SLC30A6: variants seen among roughly 807,000 people sequenced by gnomAD.
The protein encoded by SLC30A6 is zinc transporter 6.
A neutral mutation model predicts 63.0 loss-of-function variants in SLC30A6; 55 were observed. The observed-to-expected ratio is 0.87, with a 90% confidence interval of 0.70 to 1.09. The LOEUF is 1.09. Ranked by LOEUF, SLC30A6 falls within the 50% of genes least tolerant of loss-of-function variation. The probability of loss-of-function intolerance (pLI) is 0.00; values close to 1 mark genes in which losing one functional copy is unlikely to be tolerated. For synonymous variants in SLC30A6, 224 were observed against 186.1 expected, an observed-to-expected ratio of 1.20 and a Z score of -1.66; for missense variants, 587 against 549.2, an observed-to-expected ratio of 1.07 and a Z score of -0.69.
At chr2:32,189,624 T>G (rs1355760780) in intron 5 of SLC30A6, among the ~76,000 whole-genome samples, 2 of 86,016 alleles carry the variant, frequency 2.3e-5, no homozygotes, top group Non-Finnish European at 4.8e-5. Context: ...TTTTTTTTTT[T>G]TTGAGGCAGA....
chr2:32,195,943 A>G (rs1683750463), intron 8 of SLC30A6, among the ~76,000 whole-genome samples: 2 of 152,102 alleles, frequency 1.3e-5, no homozygotes, highest in South Asian at 4.1e-4. Context: ...CCAGCTACTC[A>G]GGAGGCTGAG....
At chr2:32,188,842 T>C (rs1399566836) in intron 5 of SLC30A6, among the ~76,000 whole-genome samples, 1 of 152,192 alleles carries the variant, frequency 6.6e-6, no homozygotes, top group Admixed American at 6.6e-5. Context: ...TCCCTTCGTG[T>C]CCATTCAGAC....
chr2:32,189,855 A>T (rs1170437878), intron 5 of SLC30A6, among the ~76,000 whole-genome samples: 2 of 150,572 alleles, frequency 1.3e-5, no homozygotes, highest in Non-Finnish European at 3.0e-5. Context: ...ATCCTCCCAC[A>T]CCCCGAGTAG....
intron 5 of SLC30A6, 28 bp downstream of exon 5, chr2:32,184,366 T>C (rs1365725316): frequency 7.4e-7 from 1 of 1,354,900 alleles, no homozygotes; most frequent in Non-Finnish European, 1.0e-6. Context: ...TATTTTCTGC[T>C]AACTTATGAC....
At chr2:32,202,970 G>T (rs753611381) in intron 10 of SLC30A6, 5 of 1,141,638 alleles carry the variant, frequency 4.4e-6, no homozygotes, top group Non-Finnish European at 6.7e-6. Flanking sequence ...GGTCTGAAGG[G>T]ACGGCTATTA....
In SLC30A6 at chr2:32,220,764, T is replaced by G. The variant is rs1686097482; in HGVS notation, c.*51T>G. 6.7e-7 allele frequency: 1 copy of G among 1,502,444 alleles called. No individual in the cohort carries two copies. Among genetic ancestry groups the G allele is most frequent in the Non-Finnish European group, 9.0e-7 (1 of 1,109,908 alleles). 93.1% of individuals were successfully genotyped at this position (1,502,444 alleles called of 1,614,324 possible). On this transcript the variant is annotated 3_prime_UTR_variant, in exon 14 of 14. Coordinates refer to ENST00000282587, the MANE Select transcript of SLC30A6 (RefSeq NM_017964.5). Reference sequence around the variant, plus strand: ...AATATTGACTCCTTGGCTTCCAATTTATTTAGTAATCCAACTTTGCATTGA... The same window carrying G: ...AATATTGACTCCTTGGCTTCCAATTGATTTAGTAATCCAACTTTGCATTGA...
At chr2:32,209,353 A>T in intron 12 of SLC30A6, 140 bp from the exon 13 acceptor site, 1 of 609,804 alleles carries the variant, frequency 1.6e-6, no homozygotes, top group Non-Finnish European at 2.8e-6. Context: ...GAGTGGTCTG[A>T]GACTTCTCTT....
chr2:32,190,372 T>A (rs1054074968), intron 5 of SLC30A6, among the ~76,000 whole-genome samples: 1 of 150,584 alleles, frequency 6.6e-6, no homozygotes, highest in East Asian at 2.0e-4. Context: ...GGCAGGAGAA[T>A]CACTTGAGCC....
rs1350449717 is a variant in SLC30A6, at chr2:32,221,155, G to A, written c.*442G>A. On this transcript the variant is annotated 3_prime_UTR_variant, in exon 14 of 14. Coordinates refer to ENST00000282587, the MANE Select transcript of SLC30A6 (RefSeq NM_017964.5). ...GCTGTACTTTATTAAGGCTTCCTTA[G>A]TTTTTGTTTTGTTTTGTTTTTTGAG... 4.9e-6 allele frequency: 1 copy of A among 205,664 alleles called. No individual in the cohort carries two copies. The highest frequency in any genetic ancestry group is 1.5e-4 in the East Asian group (1 of 6,678). 12.7% of individuals were successfully genotyped at this position (205,664 alleles called of 1,614,324 possible). A position where few individuals can be genotyped will look rare whatever the true frequency, so the allele number is the denominator to read the frequency against.
chr2:32,204,678 A>G lies in SLC30A6; in HGVS notation c.754A>G (p.Lys252Glu), dbSNP rs1684589130. The change falls in exon 11 of 14, where the codon AAA (lysine) becomes GAA (glutamate). Residue 252 changes from lysine (K) to glutamate (E), a missense_variant. By Grantham distance (56) the Lys-to-Glu change is moderately conservative. Transcript: ENST00000282587. ...TMYPMSVYSGKVLLQTTPPHV... is the reference protein window; with the variant it reads ...TMYPMSVYSGEVLLQTTPPHV... ...GTATCCCATGAGTGTGTACAGTGGG[A>G]AAGTCTTACTCCAGGTAAGGTGCTT... 3 of 1,606,234 alleles carry G rather than the reference A, an allele frequency of 1.9e-6. No individual in the cohort carries two copies. Among genetic ancestry groups the G allele is most frequent in the Non-Finnish European group, 2.6e-6 (3 of 1,174,808 alleles).
In SLC30A6 at chr2:32,220,957, T is replaced by G. The variant is rs893606795; in HGVS notation, c.*244T>G. ...GAAAATGTGTTTCTTTAAATTTGGA[T>G]TTTGGTATCTTTGGTTTTGTAGTTG... On this transcript the variant is annotated 3_prime_UTR_variant, in exon 14 of 14. Transcript: ENST00000282587. 7.1e-6 allele frequency: 3 copies of G among 424,328 alleles called. No homozygotes were observed. The highest frequency in any genetic ancestry group is 6.0e-5 in the African/African-American group (3 of 50,262). 26.3% of individuals were successfully genotyped at this position (424,328 alleles called of 1,614,324 possible).
At chr2:32,218,195 A>G (rs1685869139) in intron 13 of SLC30A6, among the ~76,000 whole-genome samples, 2 of 152,114 alleles carry the variant, frequency 1.3e-5, no homozygotes, top group South Asian at 4.1e-4. Context: ...CTGAGGCAGG[A>G]GGATCGCTTG....
chr2:32,202,173 A>G (rs1684347368), intron 10 of SLC30A6: 1 of 771,840 alleles, frequency 1.3e-6, no homozygotes, highest in Non-Finnish European at 2.1e-6. Flanking sequence ...TGAAAGGTTG[A>G]GGGGTAACAT....
chr2:32,169,523 A>G (rs2148792847), intron 1 of SLC30A6, among the ~76,000 whole-genome samples: 1 of 152,302 alleles, frequency 6.6e-6, no homozygotes, highest in Non-Finnish European at 1.5e-5. Flanking sequence ...TCACGCCTGT[A>G]ATCCCAGCAC....
At chr2:32,178,104 C>G (rs992126523) in intron 4 of SLC30A6, among the ~76,000 whole-genome samples, 1 of 151,792 alleles carries the variant, frequency 6.6e-6, no homozygotes, top group Admixed American at 6.6e-5. Flanking sequence ...CCCGCCACCA[C>G]GCTTGGCTAA....
chr2:32,208,185 C>T (rs192734022), intron 12 of SLC30A6, among the ~76,000 whole-genome samples: 113 of 150,878 alleles, frequency 7.5e-4, no homozygotes, highest in African/African-American at 2.6e-3. Flanking sequence ...GGCTGGGGTG[C>T]AGTGGCATGA....
intron 4 of SLC30A6, among the ~76,000 whole-genome samples, chr2:32,176,039 A>G (rs1437961299): frequency 1.3e-5 from 2 of 152,182 alleles, no homozygotes; most frequent in Non-Finnish European, 2.9e-5. Flanking sequence ...ATGTCACCAT[A>G]AACAGAGAAT....
chr2:32,209,591 T>C (rs1187156318), intron 13 of SLC30A6, 30 bp downstream of exon 13: 17 of 1,513,614 alleles, frequency 1.1e-5, no homozygotes, highest in Non-Finnish European at 1.4e-5. Context: ...ACTTTAGTTA[T>C]AATTTAAAAT....
chr2:32,183,527 A>AT (rs1430421202), intron 4 of SLC30A6, among the ~76,000 whole-genome samples: 6 of 151,646 alleles, frequency 4.0e-5, no homozygotes, highest in African/African-American at 1.2e-4. Context: ...ACTAAAAAAA[A>AT]ATATATAAAA....
Sources: allele counts gnomAD v4.1 joint callset (sites outside exome capture counted in the v4.1 genomes callset), GRCh38; gene constraint gnomAD v4.1.1; transcripts MANE v1.5; gene names NCBI Gene and HGNC (gene_info 2026-07-23, HGNC 2026-07-21).